Variants in PRPSAP1 observed in about 807,000 individuals in gnomAD.
PRPSAP1 encodes the protein phosphoribosyl pyrophosphate synthetase associated protein 1, also known as phosphoribosyl pyrophosphate synthase-associated protein 1.
In PRPSAP1, 31 loss-of-function variants were observed where a neutral mutation model predicts 39.4. The ratio of observed to expected loss-of-function variants is 0.79; its 90% CI spans 0.59 to 1.06. PRPSAP1 has a LOEUF of 1.06. Ranked by LOEUF, PRPSAP1 falls within the 50% of genes least tolerant of loss-of-function variation. The probability of loss-of-function intolerance (pLI) is 0.00; values close to 1 mark genes in which losing one functional copy is unlikely to be tolerated. For missense variants in PRPSAP1, 430 were observed against 511.6 expected (o/e 0.84, Z 1.54); for synonymous variants, 212 against 192.6 (o/e 1.10, Z -0.83).
chr17:76,314,226 A>ATGTATGTATGTATGTC, intron 7 of PRPSAP1: 1 of 282,648 alleles, frequency 3.5e-6, no homozygotes, highest in Non-Finnish European at 6.9e-6. Flanking sequence ...GTATGTATGT[A>ATGTATGTATGTATGTC]TGTATTTTTT....
chr17:76,332,366 GT>G lies in PRPSAP1; in HGVS notation c.359del (p.Asn120ThrfsTer17), dbSNP rs755324639. The G allele has an allele frequency of 4.3e-6, 7 of 1,614,166 alleles. No homozygotes were observed. The highest frequency in any genetic ancestry group is 5.9e-6 in the Non-Finnish European group (7 of 1,180,036). ...GGAAGTAGGGGATGACCCCAATAAT[GT>G]TCCTGGCACAGGCAGTCTTCAGTGC... ...AYALKTACAR[N>X]IIGVIPYFPY... is the part of the protein sequence containing the mutation. On this transcript the variant is annotated frameshift_variant, in exon 4 of 10. Transcript: ENST00000446526. LOFTEE classifies it high-confidence loss of function.
chr17:76,353,989 G>A, upstream of PRPSAP1: 2 of 1,264,878 alleles, frequency 1.6e-6, no homozygotes, highest in Middle Eastern at 3.1e-4. Context: ...TCGGATGAGG[G>A]CAGGGAGCCT....
At chr17:76,321,466 GGGAGGCGGA>G (rs1221686055) in intron 7 of PRPSAP1, among the ~76,000 whole-genome samples, 1 of 151,916 alleles carries the variant, frequency 6.6e-6, no homozygotes, top group Non-Finnish European at 1.5e-5. Context: ...ACTTGGACCC[GGGAGGCGGA>G]GGTTGCAGTG....
chr17:76,346,148 T>C (rs1348389588), intron 2 of PRPSAP1: 13 of 258,998 alleles, frequency 5.0e-5, no homozygotes, highest in Non-Finnish European at 9.3e-5. Flanking sequence ...ACTGTACAGT[T>C]TGAAATACTA....
intron 7 of PRPSAP1, among the ~76,000 whole-genome samples, chr17:76,324,395 T>A (rs559036386): frequency 7.9e-5 from 12 of 151,518 alleles, no homozygotes; most frequent in African/African-American, 2.4e-4. Context: ...GGTCAGGAGT[T>A]CCAGACCAGC....
In PRPSAP1 at chr17:76,344,901, G is replaced by T. The variant is rs565700192; in HGVS notation, c.224-164C>A. On this transcript the variant is annotated intron_variant, in intron 2 of 9. Transcript: ENST00000446526. Reference sequence around the variant, plus strand: ...AGATCACTTGAGCACCAGAGTTCAAGAACAGCCTAGGCAACATGACAAAAT... The same window carrying T: ...AGATCACTTGAGCACCAGAGTTCAATAACAGCCTAGGCAACATGACAAAAT... Among the ~76,000 whole-genome samples, 6 of 152,130 alleles carry T rather than the reference G, an allele frequency of 3.9e-5. No homozygotes were observed. In the East Asian group the frequency reaches 1.2e-3, roughly 29 times the overall value.
chr17:76,313,450 A>AAC (rs984762925), intron 8 of PRPSAP1: 2 of 264,752 alleles, frequency 7.6e-6, no homozygotes, highest in African/African-American at 4.4e-5. Flanking sequence ...CAACATGCAG[A>AAC]ACGAGTCTGC....
At chr17:76,319,963 C>CA (rs1158141305) in intron 7 of PRPSAP1, among the ~76,000 whole-genome samples, 1 of 151,856 alleles carries the variant, frequency 6.6e-6, no homozygotes, top group Non-Finnish European at 1.5e-5. Flanking sequence ...AAATATGAGA[C>CA]AAACTGAGCA....
At position 76,353,572 on chromosome 17, in the gene PRPSAP1, G is replaced by A. The variant is rs2071605079; in HGVS notation, c.132C>T (p.Ser44=). 1 of 1,560,224 alleles carries A rather than the reference G, an allele frequency of 6.4e-7. No homozygotes were observed. Among genetic ancestry groups the A allele is most frequent in the Admixed American group, 1.8e-5 (1 of 54,518 alleles). Residue 44 remains serine (S), a synonymous_variant, in exon 1 of 10, where the codon TCC becomes TCT. Transcript: ENST00000446526. ...RTGYRVFSAN[S]TAACTELAKR... is the part of the protein sequence containing the mutation. ...TGGCCAGCTCCGTGCAGGCGGCCGTGGAGTTGGCCGAGAAGACTCGGTAGC... is the reference window on the plus strand; with the variant it reads ...TGGCCAGCTCCGTGCAGGCGGCCGTAGAGTTGGCCGAGAAGACTCGGTAGC...
intron 3 of PRPSAP1, among the ~76,000 whole-genome samples, chr17:76,332,892 ATT>A (rs1386737477): frequency 2.1e-4 from 29 of 139,130 alleles, no homozygotes; most frequent in Middle Eastern, 3.6e-3. Flanking sequence ...TTGGAATATA[ATT>A]TTTTTTTTTT....
At chr17:76,319,289 T>TA (rs1713456772) in intron 7 of PRPSAP1, 1 of 151,940 alleles carries the variant, frequency 6.6e-6, no homozygotes, top group Non-Finnish European at 1.5e-5. Context: ...AAAAGGACAT[T>TA]AAATCAAGGT....
intron 4 of PRPSAP1, among the ~76,000 whole-genome samples, chr17:76,332,047 G>A (rs1276726952): frequency 6.6e-6 from 1 of 152,078 alleles, no homozygotes; most frequent in African/African-American, 2.4e-5. Flanking sequence ...TGACAGAGAA[G>A]AGAAGACACT....
intron 7 of PRPSAP1, among the ~76,000 whole-genome samples, chr17:76,318,014 G>A (rs74937344): frequency 0.032 from 4,905 of 152,242 alleles, 282 homozygotes; most frequent in African/African-American, 0.11. Context: ...ACTGCAGGAT[G>A]CTAAGCAGCA....
intron 3 of PRPSAP1, among the ~76,000 whole-genome samples, chr17:76,336,196 G>A (rs560204741): frequency 4.9e-4 from 75 of 152,124 alleles, no homozygotes; most frequent in African/African-American, 8.2e-4. Context: ...CCAGTAATCC[G>A]AGAGGCCAAG....
In PRPSAP1 at chr17:76,310,677, C is replaced by T. The variant is rs1019557210; in HGVS notation, c.*865G>A. ...GACATGGGGGTTTCGCCATGTTTCC[C>T]AGGCTGGTCTGAAACTCCTGGGCTC... On this transcript the variant is annotated 3_prime_UTR_variant, in exon 10 of 10. Transcript: ENST00000446526. 2 of 151,960 alleles carry T rather than the reference C, an allele frequency of 1.3e-5. No individual in the cohort carries two copies. Among genetic ancestry groups the T allele is most frequent in the African/African-American group, 4.8e-5 (2 of 41,346 alleles). 9.4% of individuals were successfully genotyped at this position (151,960 alleles called of 1,614,324 possible).
At chr17:76,315,492 T>C (rs1387852118) in intron 7 of PRPSAP1, among the ~76,000 whole-genome samples, 1 of 152,114 alleles carries the variant, frequency 6.6e-6, no homozygotes, top group Non-Finnish European at 1.5e-5. Context: ...ACCACTACTT[T>C]ATACATTTCA....
rs8071949 is a variant in PRPSAP1 at position 76,314,215 on chromosome 17, T to G, written c.782-324A>C. The G allele has an allele frequency of 8.6e-4, 249 of 290,142 alleles. 4 individuals carry two copies. The highest frequency in any genetic ancestry group is 5.3e-3 in the African/African-American group (232 of 44,124). The allele number at this position is 290,142 out of a possible 1,614,324, so 18.0% of individuals were successfully genotyped here. ...ACTGATATAAAAATGTATGTATGTA[T>G]GTATGTATGTATGTATTTTTTGAGA... On this transcript the variant is annotated intron_variant, in intron 7 of 9. Coordinates refer to ENST00000446526, the MANE Select transcript of PRPSAP1 (RefSeq NM_002766.3).
chr17:76,332,111 T>G, intron 4 of PRPSAP1, 152 bp downstream of exon 4: 1 of 859,816 alleles, frequency 1.2e-6, no homozygotes, highest in East Asian at 2.5e-5. Context: ...AAAAAGAATT[T>G]CTAACCGAGC....
chr17:76,324,325 G>A lies in PRPSAP1; in HGVS notation c.781+4392C>T, dbSNP rs144498715. ...TTTTAAAAAATGCTGTCAGCCGGGC[G>A]CAGTGGCTCACGCCTGTAATCCCAG... On this transcript the variant is annotated intron_variant, in intron 7 of 9. Transcript: ENST00000446526. 1.1e-3 allele frequency among the ~76,000 whole-genome samples: 160 copies of A among 152,094 alleles called. 1 individual carries two copies. In the East Asian group the frequency reaches 0.026, roughly 25 times the overall value.
Sources: gnomAD v4.1 joint callset for allele counts (sites outside exome capture counted in the v4.1 genomes callset) on GRCh38, gnomAD v4.1.1 for gene constraint, MANE v1.5 for transcripts, NCBI Gene and HGNC (gene_info 2026-07-23, HGNC 2026-07-21) for gene names.